The following CCND3 variants were observed in gnomAD, a reference collection of about 807,000 sequenced individuals.
CCND3 encodes cyclin D3, also known as G1/S-specific cyclin-D3.
A neutral mutation model predicts 28.7 loss-of-function variants in CCND3; 9 were observed. That is an observed-to-expected ratio of 0.31 (90% CI 0.19 to 0.55). The LOEUF (loss-of-function observed/expected upper bound fraction) is 0.55. Among genes scored for constraint, CCND3 ranks in the 20% least tolerant of loss-of-function variants. The probability of loss-of-function intolerance (pLI) is 0.93; values close to 1 mark genes in which losing one functional copy is unlikely to be tolerated. For synonymous variants in CCND3, 164 were observed against 163.9 expected, an observed-to-expected ratio of 1.00 and a Z score of 0.00; for missense variants, 315 against 385.8, an observed-to-expected ratio of 0.82 and a Z score of 1.54.
At chr6:41,977,458 C>T (rs1209114661) in intron 1 of CCND3, among the ~76,000 whole-genome samples, 1 of 152,138 alleles carries the variant, frequency 6.6e-6, no homozygotes, top group Non-Finnish European at 1.5e-5. Flanking sequence ...CCTCCACCTC[C>T]CAGGTTCAGG....
intron 1 of CCND3, among the ~76,000 whole-genome samples, chr6:41,990,508 A>G (rs60764456): frequency 0.097 from 14,812 of 152,132 alleles, 831 homozygotes; most frequent in East Asian, 0.26. Context: ...AGCAAAAAGA[A>G]CAAAGCTGAA....
chr6:42,044,949 C>T (rs751802779), intron 1 of CCND3, among the ~76,000 whole-genome samples: 2 of 138,226 alleles, frequency 1.4e-5, no homozygotes, highest in African/African-American at 2.7e-5. Context: ...CGACCACGCC[C>T]GGCTAACGTT....
intron 1 of CCND3, among the ~76,000 whole-genome samples, chr6:41,963,215 A>T (rs1195451100): frequency 1.3e-5 from 2 of 152,100 alleles, no homozygotes; most frequent in Non-Finnish European, 2.9e-5. Flanking sequence ...ATCCTTCCCC[A>T]ATCTCCACCT....
At chr6:41,971,338 G>T (rs140129530) in intron 1 of CCND3, among the ~76,000 whole-genome samples, 1 of 152,096 alleles carries the variant, frequency 6.6e-6, no homozygotes, top group East Asian at 1.9e-4. Context: ...GCCTAGACTG[G>T]ACTTGAACTC....
At chr6:42,046,684 G>A (rs1367427356) in intron 1 of CCND3, among the ~76,000 whole-genome samples, 3 of 152,128 alleles carry the variant, frequency 2.0e-5, no homozygotes, top group African/African-American at 7.2e-5. Context: ...ATCAGGAAAG[G>A]ATACCAGCTC....
rs1775746481 is a variant in CCND3 at position 41,935,554 on chromosome 6, G to T, written c.*386C>A. The stretch of plus-strand genomic sequence containing the variant: ...AATCCAAATGCAATAACCCTAGAAG[G>T]GACAACACCTTTAGAAGGCACTAGA... On this transcript the variant is annotated 3_prime_UTR_variant, in exon 5 of 5. Coordinates refer to ENST00000372991, the MANE Select transcript of CCND3 (RefSeq NM_001760.5). 3 of 418,586 alleles carry T rather than the reference G, an allele frequency of 7.2e-6. No homozygotes were observed. In the East Asian group the frequency reaches 1.0e-4, roughly 15 times the overall value. 25.9% of individuals were successfully genotyped at this position (418,586 alleles called of 1,614,324 possible).
intron 1 of CCND3, among the ~76,000 whole-genome samples, chr6:41,994,086 G>C (rs146721126): frequency 6.7e-6 from 1 of 148,344 alleles, no homozygotes; most frequent in African/African-American, 2.5e-5. Flanking sequence ...CACAGTTTTC[G>C]GTCAACAATG....
intron 1 of CCND3, among the ~76,000 whole-genome samples, chr6:41,964,676 G>A (rs780776564): frequency 6.6e-5 from 10 of 152,140 alleles, no homozygotes; most frequent in Non-Finnish European, 1.2e-4. Context: ...CAGCAGGTTG[G>A]GTGCATGACA....
intron 1 of CCND3, among the ~76,000 whole-genome samples, chr6:41,989,869 C>T (rs1762600925): frequency 6.6e-6 from 1 of 152,172 alleles, no homozygotes; most frequent in African/African-American, 2.4e-5. Flanking sequence ...CAAAAACCTG[C>T]ACACAGATGT....
At position 41,936,565 on chromosome 6, in the gene CCND3, A is replaced by T. The variant is rs759127273; in HGVS notation, c.705T>A (p.Thr235=). Residue 235 remains threonine, a synonymous_variant, in exon 4 of 5, where the codon ACT becomes ACA. Coordinates refer to ENST00000372991, the MANE Select transcript of CCND3 (RefSeq NM_001760.5). The surrounding 1 kb of genome is among the most constrained non-coding windows in gnomAD (Gnocchi z 4.4). ...CCAGCTACCCAGCACTCACCACTTCAGTGCCAGTGATCCCTGCCAGCAGCT... is the reference window on the plus strand; with the variant it reads ...CCAGCTACCCAGCACTCACCACTTCTGTGCCAGTGATCCCTGCCAGCAGCT... ...LTELLAGITG[T]EVDCLRACQE... 8.1e-6 allele frequency: 13 copies of T among 1,614,054 alleles called. No individual in the cohort carries two copies. The African/African-American group carries it at 1.6e-4, about 20-fold the overall frequency.
At chr6:42,020,720 A>G (rs1372922005) in intron 1 of CCND3, among the ~76,000 whole-genome samples, 1 of 152,208 alleles carries the variant, frequency 6.6e-6, no homozygotes, top group Non-Finnish European at 1.5e-5. Flanking sequence ...CCAAGACTTC[A>G]TGAGCAGTCA....
upstream of CCND3, among the ~76,000 whole-genome samples, chr6:41,942,895 T>G (rs1776075747): frequency 6.8e-6 from 1 of 146,134 alleles, no homozygotes; most frequent in South Asian, 2.2e-4. Context: ...TTTTTTTTTT[T>G]TGAGACGAAG....
At chr6:41,983,528 T>C (rs1762404184) in intron 1 of CCND3, among the ~76,000 whole-genome samples, 1 of 151,946 alleles carries the variant, frequency 6.6e-6, no homozygotes. Flanking sequence ...ACAAATATCA[T>C]CATTATTAAC....
At chr6:42,021,237 A>G (rs1286366007) in intron 1 of CCND3, among the ~76,000 whole-genome samples, 1 of 152,212 alleles carries the variant, frequency 6.6e-6, no homozygotes, top group Non-Finnish European at 1.5e-5. Flanking sequence ...TATCATTGGT[A>G]TGTATGTATA....
intron 1 of CCND3, among the ~76,000 whole-genome samples, chr6:41,981,109 A>G (rs554345384): frequency 8.0e-6 from 1 of 124,830 alleles, no homozygotes; most frequent in South Asian, 2.9e-4. Context: ...TAAAATTATT[A>G]TTTATGTAGA....
chr6:41,958,389 A>G (rs1276982653), intron 1 of CCND3, among the ~76,000 whole-genome samples: 1 of 152,204 alleles, frequency 6.6e-6, no homozygotes, highest in African/African-American at 2.4e-5. Flanking sequence ...TACTTCCCCC[A>G]AACTCGAAAA....
chr6:42,027,675 C>T lies in CCND3; in HGVS notation c.-46+20826G>A, dbSNP rs571876939. 1.4e-4 allele frequency among the ~76,000 whole-genome samples: 21 copies of T among 152,244 alleles called. No homozygotes were observed. The South Asian group carries it at 1.9e-3, about 14-fold the overall frequency. ...CTTAACACCAGAGCCCAAATCTCCT[C>T]CTCACTGCTCACCAGCTGTGTAACC... On this transcript the variant is annotated intron_variant, in intron 1 of 4. Coordinates refer to the CCND3 transcript ENST00000372988.
intron 1 of CCND3, among the ~76,000 whole-genome samples, chr6:41,983,857 T>C (rs1296820749): frequency 6.6e-6 from 1 of 151,860 alleles, no homozygotes; most frequent in African/African-American, 2.4e-5. Context: ...AAAATAAAAA[T>C]TAAAAATAAG....
upstream of CCND3, among the ~76,000 whole-genome samples, chr6:41,943,586 T>C (rs1035433593): frequency 2.0e-5 from 3 of 152,218 alleles, no homozygotes; most frequent in Non-Finnish European, 4.4e-5. Flanking sequence ...TGTGGTAATA[T>C]CTTTGTGCAC....
Sources: gnomAD v4.1 joint callset for allele counts (sites outside exome capture counted in the v4.1 genomes callset) on GRCh38, gnomAD v4.1.1 for gene constraint, Gnocchi (gnomAD v3.1) non-coding constraint, MANE v1.5 for transcripts, NCBI Gene and HGNC (gene_info 2026-07-23, HGNC 2026-07-21) for gene names.